ITGA8: variants seen among roughly 807,000 people sequenced by gnomAD.
The protein encoded by ITGA8 is integrin alpha-8.
Under a neutral mutation model 142.3 loss-of-function variants are expected in ITGA8, and 91 were observed. The ratio of observed to expected loss-of-function variants is 0.64; its 90% confidence interval spans 0.54 to 0.76. The LOEUF (loss-of-function observed/expected upper bound fraction) is 0.76, where lower values mean the gene tolerates loss of function less well. ITGA8 is among the 30% of genes least tolerant of loss of function. The pLI, the probability that ITGA8 is intolerant of heterozygous loss-of-function variation, is 0.00. For missense variants in ITGA8, 1,406 were observed against 1,327.7 expected (o/e 1.06, Z -0.92); for synonymous variants, 505 against 485.2 (o/e 1.04, Z -0.54).
intron 29 of ITGA8, among the ~76,000 whole-genome samples, chr10:15,518,836 T>A (rs752687425): frequency 6.6e-6 from 1 of 152,192 alleles, no homozygotes; most frequent in African/African-American, 2.4e-5. Context: ...GTAGTTGAAA[T>A]TAAAAATCAG....
At position 15,575,385 on chromosome 10, in the gene ITGA8, G is replaced by C. The variant is rs377606024; in HGVS notation, c.2478+104C>G. The C allele has an allele frequency of 8.2e-6, 7 of 849,414 alleles. No homozygotes were observed. In the East Asian group the frequency reaches 1.1e-4, roughly 13 times the overall value. 52.6% of individuals were successfully genotyped at this position (849,414 alleles called of 1,614,324 possible). The stretch of plus-strand genomic sequence containing the variant: ...AGCCTGGGAGACACAGCGAGATCCT[G>C]TCTCAATAATAATAATGATAATGAT... On this transcript the variant is annotated intron_variant, in intron 24 of 29. Transcript: ENST00000378076.
At chr10:15,548,605 A>G (rs767677926) in intron 26 of ITGA8, 37 bp from the exon 27 acceptor site, 2 of 1,338,218 alleles carry the variant, frequency 1.5e-6, no homozygotes, top group Non-Finnish European at 1.1e-6. Context: ...GAGTCTTTAA[A>G]TCATGGTAGA....
chr10:15,588,178 C>T (rs1832864426), intron 22 of ITGA8, among the ~76,000 whole-genome samples: 1 of 152,126 alleles, frequency 6.6e-6, no homozygotes, highest in South Asian at 2.1e-4. Flanking sequence ...AATGCGAGAG[C>T]TGGAAAGGAT....
intron 8 of ITGA8, among the ~76,000 whole-genome samples, chr10:15,667,123 A>G (rs568334023): frequency 1.3e-5 from 2 of 152,312 alleles, no homozygotes; most frequent in African/African-American, 4.8e-5. Flanking sequence ...CTCTGGTAGA[A>G]TTCGGCTGTG....
At chr10:15,716,670 ATT>A (rs796458374) in intron 2 of ITGA8, among the ~76,000 whole-genome samples, 3 of 135,074 alleles carry the variant, frequency 2.2e-5, no homozygotes, top group Non-Finnish European at 3.1e-5. Flanking sequence ...AACCTATTGT[ATT>A]TTTTTTTTTT....
In ITGA8 at chr10:15,665,797, T is replaced by C. The variant is rs1164517002; in HGVS notation, c.848-4875A>G. Among the ~76,000 whole-genome samples, 3 of 152,216 alleles carry C rather than the reference T, an allele frequency of 2.0e-5. No individual in the cohort carries two copies. In the East Asian group the frequency reaches 5.8e-4, roughly 29 times the overall value. On this transcript the variant is annotated intron_variant, in intron 8 of 29. Transcript: ENST00000378076. ...GAATCCTTTCCCCATTGCTTGTTTT[T>C]GTCAGGTTTGTCAAAGATCAGATAG...
chr10:15,675,096 G>T (rs972792069), intron 6 of ITGA8, among the ~76,000 whole-genome samples: 3 of 151,974 alleles, frequency 2.0e-5, no homozygotes, highest in African/African-American at 7.3e-5. Flanking sequence ...AATCTTCTCA[G>T]TATTCTCTCT....
At chr10:15,643,361 C>G (rs1181402314) in intron 13 of ITGA8, among the ~76,000 whole-genome samples, 1 of 152,150 alleles carries the variant, frequency 6.6e-6, no homozygotes, top group Non-Finnish European at 1.5e-5. Flanking sequence ...CTCAGTGCAG[C>G]CTCCGCCTCC....
intron 13 of ITGA8, among the ~76,000 whole-genome samples, chr10:15,639,844 A>G (rs560086247): frequency 7.4e-4 from 113 of 152,348 alleles, no homozygotes; most frequent in African/African-American, 9.4e-4. Flanking sequence ...TGATTTTAAT[A>G]TGCAACCAAG....
intron 28 of ITGA8, among the ~76,000 whole-genome samples, chr10:15,521,103 C>A (rs983306941): frequency 4.6e-5 from 7 of 152,208 alleles, no homozygotes; most frequent in Admixed American, 2.0e-4. Context: ...ACTGCAACTT[C>A]CACCTCCCAG....
chr10:15,623,800 C>A (rs1288520885), intron 13 of ITGA8, among the ~76,000 whole-genome samples: 1 of 152,086 alleles, frequency 6.6e-6, no homozygotes, highest in African/African-American at 2.4e-5. Flanking sequence ...GACCTGTAAC[C>A]ACTTCCACAA....
intron 2 of ITGA8, among the ~76,000 whole-genome samples, chr10:15,710,634 C>T (rs1835346094): frequency 6.6e-6 from 1 of 152,162 alleles, no homozygotes; most frequent in Non-Finnish European, 1.5e-5. Flanking sequence ...TCTAGAGAGA[C>T]AAGCTGTACT....
chr10:15,628,676 G>A lies in ITGA8; in HGVS notation c.1400-12117C>T, dbSNP rs1833632140. On this transcript the variant is annotated intron_variant, in intron 13 of 29. Transcript: ENST00000378076. ...GCATAAGATCCAAGAACCCTCTCTT[G>A]GGGTCTGGATCAGGACCCCTTTCCA... is the stretch of plus-strand genomic sequence containing the variant. 4.6e-5 allele frequency among the ~76,000 whole-genome samples: 7 copies of A among 151,602 alleles called. No homozygotes were observed. The South Asian group carries it at 1.3e-3, about 27-fold the overall frequency.
At chr10:15,696,817 A>G (rs1183068597) in intron 2 of ITGA8, among the ~76,000 whole-genome samples, 3 of 143,878 alleles carry the variant, frequency 2.1e-5, no homozygotes, top group Non-Finnish European at 3.0e-5. Flanking sequence ...CGATAGTGCC[A>G]CCGCACTCCA....
chr10:15,686,766 A>G (rs1365442555), intron 3 of ITGA8, among the ~76,000 whole-genome samples: 1 of 152,226 alleles, frequency 6.6e-6, no homozygotes, highest in East Asian at 1.9e-4. Context: ...CCCATCACGT[A>G]TTTTAGAAAA....
At chr10:15,653,127 T>C (rs528982145) in intron 11 of ITGA8, among the ~76,000 whole-genome samples, 1 of 152,264 alleles carries the variant, frequency 6.6e-6, no homozygotes, top group East Asian at 1.9e-4. Flanking sequence ...TGCCTGGAGC[T>C]CCCACCTCAG....
chr10:15,643,346 C>T (rs1312437045), intron 13 of ITGA8, among the ~76,000 whole-genome samples: 1 of 152,182 alleles, frequency 6.6e-6, no homozygotes, highest in African/African-American at 2.4e-5. Flanking sequence ...GTGGCTCGAT[C>T]TTGGCTCAGT....
At chr10:15,669,621 G>GT (rs1290654301) in intron 8 of ITGA8, among the ~76,000 whole-genome samples, 1 of 152,112 alleles carries the variant, frequency 6.6e-6, no homozygotes. Flanking sequence ...GTTCTGCTCT[G>GT]TTTTTTTCCC....
intron 13 of ITGA8, among the ~76,000 whole-genome samples, chr10:15,618,272 G>T (rs1013573599): frequency 6.6e-6 from 1 of 152,030 alleles, no homozygotes; most frequent in African/African-American, 2.4e-5. Flanking sequence ...AGAAATAAGG[G>T]CCACAGAAGA....
Sources: allele counts gnomAD v4.1 joint callset (sites outside exome capture counted in the v4.1 genomes callset), GRCh38; gene constraint gnomAD v4.1.1; transcripts MANE v1.5; gene names NCBI Gene and HGNC (gene_info 2026-07-23, HGNC 2026-07-21).